The following EPHA6 variants were observed in gnomAD, a reference collection of about 807,000 sequenced individuals.
EPHA6 encodes EPH receptor A6.
EPHA6 carries 50 observed loss-of-function variants against 112.0 expected under a neutral mutation model. That is an observed-to-expected ratio of 0.45 (90% CI 0.36 to 0.56). The LOEUF (loss-of-function observed/expected upper bound fraction) is 0.56. Among genes scored for constraint, EPHA6 ranks in the 20% least tolerant of loss-of-function variants. The pLI is 0.00. For missense variants in EPHA6, 1,280 were observed against 1,417.4 expected (o/e 0.90, Z 1.56); for synonymous variants, 529 against 490.7 (o/e 1.08, Z -1.03).
At chr3:97,500,775 T>G (rs2092098268) in intron 10 of EPHA6, among the ~76,000 whole-genome samples, 1 of 152,174 alleles carries the variant, frequency 6.6e-6, no homozygotes, top group African/African-American at 2.4e-5. Context: ...TTAAACAAGC[T>G]TGAAACCCCT....
At chr3:96,833,945 T>C (rs7633123) in intron 1 of EPHA6, among the ~76,000 whole-genome samples, 1 of 151,958 alleles carries the variant, frequency 6.6e-6, no homozygotes, top group Non-Finnish European at 1.5e-5. Flanking sequence ...TAAAAAAATT[T>C]CCCAAAGCTA....
intron 5 of EPHA6, among the ~76,000 whole-genome samples, chr3:97,369,614 T>A (rs2084937875): frequency 6.6e-6 from 1 of 152,192 alleles, no homozygotes. Flanking sequence ...GAAATTGCTC[T>A]CATCTTGTTT....
chr3:97,241,291 C>A (rs1576752064), intron 4 of EPHA6, among the ~76,000 whole-genome samples: 1 of 151,778 alleles, frequency 6.6e-6, no homozygotes, highest in Admixed American at 6.6e-5. Context: ...AGTTTCAAAT[C>A]AGAATAATTG....
At chr3:97,495,807 G>T (rs2107537393) in intron 10 of EPHA6, among the ~76,000 whole-genome samples, 1 of 152,126 alleles carries the variant, frequency 6.6e-6, no homozygotes, top group East Asian at 1.9e-4. Context: ...TTTTGTAGTT[G>T]CCTATCTCTC....
At chr3:97,547,507 G>A (rs1450635165) in intron 11 of EPHA6, among the ~76,000 whole-genome samples, 2 of 152,154 alleles carry the variant, frequency 1.3e-5, no homozygotes, top group Non-Finnish European at 2.9e-5. Context: ...GGCTACTTGG[G>A]GGTCAGGGAC....
intron 5 of EPHA6, among the ~76,000 whole-genome samples, chr3:97,325,922 G>A (rs1437927039): frequency 6.6e-6 from 1 of 151,864 alleles, no homozygotes; most frequent in East Asian, 1.9e-4. Context: ...TATTAAAAAG[G>A]TACTGCATGT....
At chr3:97,365,017 T>C (rs903279607) in intron 5 of EPHA6, among the ~76,000 whole-genome samples, 1 of 152,200 alleles carries the variant, frequency 6.6e-6, no homozygotes, top group African/African-American at 2.4e-5. Flanking sequence ...GAGAATTGCA[T>C]GTTAACAAAA....
At chr3:97,514,556 A>G (rs916048287) in intron 10 of EPHA6, among the ~76,000 whole-genome samples, 2 of 152,182 alleles carry the variant, frequency 1.3e-5, no homozygotes, top group Non-Finnish European at 2.9e-5. Context: ...TAATGAATTA[A>G]GGGATAAAGA....
chr3:97,620,372 A>T (rs1300788214), intron 13 of EPHA6, among the ~76,000 whole-genome samples: 1 of 151,852 alleles, frequency 6.6e-6, no homozygotes, highest in Non-Finnish European at 1.5e-5. Context: ...AAATTTTATG[A>T]TGAAGACACC....
intron 13 of EPHA6, among the ~76,000 whole-genome samples, chr3:97,633,897 G>T (rs1054059207): frequency 6.6e-6 from 1 of 152,086 alleles, no homozygotes; most frequent in African/African-American, 2.4e-5. Context: ...AAATGGGGCT[G>T]TTCCTCTCAG....
In EPHA6 at chr3:97,078,245, G is replaced by A. The variant is rs575519309; in HGVS notation, c.1114+90252G>A. ...TGCCCATTTTTTGATGTGATTGTTTGTTTTTTTCTTGTAAATTTGTTTAAG... is the reference window on the plus strand; with the variant it reads ...TGCCCATTTTTTGATGTGATTGTTTATTTTTTTCTTGTAAATTTGTTTAAG... On this transcript the variant is annotated intron_variant, in intron 3 of 17. Coordinates refer to ENST00000389672, the MANE Select transcript of EPHA6 (RefSeq NM_001080448.3). 9.2e-5 allele frequency among the ~76,000 whole-genome samples: 14 copies of A among 152,124 alleles called. No homozygotes were observed. In the South Asian group the frequency reaches 2.9e-3, roughly 32 times the overall value.
At chr3:97,552,309 T>G (rs992939223) in intron 11 of EPHA6, among the ~76,000 whole-genome samples, 1 of 152,198 alleles carries the variant, frequency 6.6e-6, no homozygotes, top group Non-Finnish European at 1.5e-5. Context: ...GAAAAAATCT[T>G]AATTGCTAAG....
chr3:97,274,292 G>C (rs915840498), intron 5 of EPHA6, among the ~76,000 whole-genome samples: 4 of 152,176 alleles, frequency 2.6e-5, no homozygotes, highest in African/African-American at 9.7e-5. Flanking sequence ...CTGGCCATGA[G>C]GGACAGAAGT....
intron 3 of EPHA6, among the ~76,000 whole-genome samples, chr3:97,011,604 C>A (rs1246369550): frequency 2.0e-5 from 3 of 151,960 alleles, no homozygotes; most frequent in African/African-American, 7.3e-5. Context: ...ATTGCCATGA[C>A]AGACACTAAA....
At chr3:97,572,295 C>T (rs11916476) in intron 11 of EPHA6, among the ~76,000 whole-genome samples, 34,875 of 151,668 alleles carry the variant, frequency 0.23, 5,463 homozygotes, top group African/African-American at 0.43. Flanking sequence ...GGACTACAGG[C>T]GCCCGCCACC....
chr3:97,041,477 C>T (rs2108053494), intron 3 of EPHA6, among the ~76,000 whole-genome samples: 1 of 152,164 alleles, frequency 6.6e-6, no homozygotes, highest in South Asian at 2.1e-4. Context: ...AACTCAGATA[C>T]AAACCTCCTA....
At chr3:97,626,082 AG>A (rs1303264608) in intron 13 of EPHA6, among the ~76,000 whole-genome samples, 1 of 151,816 alleles carries the variant, frequency 6.6e-6, no homozygotes, top group Non-Finnish European at 1.5e-5. Context: ...AAAGAAAAGT[AG>A]CAGATCATGA....
At chr3:97,576,425 C>T (rs2093385938) in intron 11 of EPHA6, among the ~76,000 whole-genome samples, 2 of 152,156 alleles carry the variant, frequency 1.3e-5, no homozygotes, top group Non-Finnish European at 2.9e-5. Flanking sequence ...CACTCATCAA[C>T]TGCGCTGGCA....
intron 3 of EPHA6, among the ~76,000 whole-genome samples, chr3:97,088,890 G>T (rs921115025): frequency 1.3e-5 from 2 of 152,122 alleles, no homozygotes; most frequent in African/African-American, 4.8e-5. Context: ...GCAGAATCTA[G>T]GTGTGATACT....
Sources: allele counts gnomAD v4.1 joint callset (sites outside exome capture counted in the v4.1 genomes callset), GRCh38; gene constraint gnomAD v4.1.1; transcripts MANE v1.5; gene names NCBI Gene and HGNC (gene_info 2026-07-23, HGNC 2026-07-21).